The following RAB18 variants were observed in gnomAD, a reference collection of about 807,000 sequenced individuals.
RAB18 encodes the protein ras-related protein Rab-18.
Under a neutral mutation model 28.5 loss-of-function variants are expected in RAB18, and 10 were observed. That is an observed-to-expected ratio of 0.35 (90% CI 0.22 to 0.60). RAB18 has a LOEUF of 0.60. Among genes scored for constraint, RAB18 ranks in the 20% least tolerant of loss-of-function variants. The pLI, the probability that RAB18 is intolerant of heterozygous loss-of-function variation, is 0.78. For synonymous variants in RAB18, 93 were observed against 86.9 expected, an observed-to-expected ratio of 1.07 and a Z score of -0.39; for missense variants, 188 against 244.2, an observed-to-expected ratio of 0.77 and a Z score of 1.53.
chr10:27,504,651 C>T (rs554253730), intron 1 of RAB18: 8 of 743,072 alleles, frequency 1.1e-5, no homozygotes, highest in Non-Finnish European at 2.0e-5. Flanking sequence ...TTGCCAGGCC[C>T]AAGTTCTCTG....
chr10:27,532,479 T>C (rs368877388), intron 3 of RAB18, 28 bp from the exon 4 acceptor site: 2 of 1,522,786 alleles, frequency 1.3e-6, no homozygotes, highest in Non-Finnish European at 9.1e-7. Context: ...TATACTTTGT[T>C]TAATTTAATA....
rs941176355 is a variant in RAB18, at chr10:27,539,001, A to G, written c.*950A>G. 1.6e-5 allele frequency: 7 copies of G among 431,836 alleles called. No individual in the cohort carries two copies. Among genetic ancestry groups the G allele is most frequent in the Non-Finnish European group, 3.3e-5 (7 of 213,796 alleles). 26.8% of individuals were successfully genotyped at this position (431,836 alleles called of 1,614,324 possible). On this transcript the variant is annotated 3_prime_UTR_variant, in exon 7 of 7. Transcript: ENST00000356940. ...ATTTCTGTGTTTTGAGGGGTGGGGA[A>G]AAAAAACACTAAGTGATAATTTGAA...
intron 2 of RAB18, among the ~76,000 whole-genome samples, chr10:27,515,378 A>G (rs11015835): frequency 0.027 from 4,098 of 152,282 alleles, 184 homozygotes; most frequent in African/African-American, 0.092. Flanking sequence ...CTATTTTCAA[A>G]TAAAAACCTA....
intron 2 of RAB18, among the ~76,000 whole-genome samples, chr10:27,513,151 C>T (rs1369560281): frequency 6.6e-6 from 1 of 151,748 alleles, no homozygotes; most frequent in Non-Finnish European, 1.5e-5. Context: ...TCTTCTGCCT[C>T]AGCCTCCCAA....
intron 2 of RAB18, among the ~76,000 whole-genome samples, chr10:27,517,418 G>C (rs11015838): frequency 0.037 from 5,589 of 152,196 alleles, 318 homozygotes; most frequent in African/African-American, 0.13. Flanking sequence ...TGCTGCATTT[G>C]TTTTGTAGAT....
intron 2 of RAB18, among the ~76,000 whole-genome samples, chr10:27,517,894 C>T (rs961638747): frequency 6.6e-6 from 1 of 152,084 alleles, no homozygotes; most frequent in Non-Finnish European, 1.5e-5. Context: ...AGCCACTTAC[C>T]TGGTCTCTAG....
rs1046292203 is a variant in RAB18, at chr10:27,539,442, A to G, written c.*1391A>G. On this transcript the variant is annotated 3_prime_UTR_variant, in exon 7 of 7. Transcript: ENST00000356940. ...TTCTTTCTGAAATGTACATCTTTAC[A>G]TATAAAAACCTCACATTCTACTTGA... 7.0e-5 allele frequency: 21 copies of G among 301,568 alleles called. No individual in the cohort carries two copies. The highest frequency in any genetic ancestry group is 2.5e-4 in the Admixed American group (5 of 20,298). 18.7% of individuals were successfully genotyped at this position (301,568 alleles called of 1,614,324 possible).
chr10:27,520,063 A>G (rs1834515387), intron 2 of RAB18, among the ~76,000 whole-genome samples: 1 of 152,210 alleles, frequency 6.6e-6, no homozygotes, highest in Non-Finnish European at 1.5e-5. Flanking sequence ...AAAAACCTTC[A>G]TTCTTTTAAT....
rs1245373066 is a variant in RAB18, at chr10:27,538,199, A to G, written c.*148A>G. 2.8e-6 allele frequency: 3 copies of G among 1,069,078 alleles called. No individual in the cohort carries two copies. Among genetic ancestry groups the G allele is most frequent in the East Asian group, 5.1e-5 (2 of 38,870 alleles). The allele number at this position is 1,069,078 out of a possible 1,614,324, so 66.2% of individuals were successfully genotyped here. Reference sequence around the variant, plus strand: ...TAAATATTTGCAAGAAATCCCACTCATCGACCCCGGGTAAAATGTTATGGT... The same window carrying G: ...TAAATATTTGCAAGAAATCCCACTCGTCGACCCCGGGTAAAATGTTATGGT... On this transcript the variant is annotated 3_prime_UTR_variant, in exon 7 of 7. Transcript: ENST00000356940.
chr10:27,525,849 T>C (rs1341350359), intron 2 of RAB18, among the ~76,000 whole-genome samples: 10 of 152,244 alleles, frequency 6.6e-5, no homozygotes, highest in Non-Finnish European at 1.5e-4. Context: ...TGACAGGTGT[T>C]CTATTAAGCA....
intron 2 of RAB18, among the ~76,000 whole-genome samples, chr10:27,515,113 A>G (rs529602790): frequency 3.3e-5 from 5 of 152,226 alleles, no homozygotes; most frequent in East Asian, 1.9e-4. Flanking sequence ...TGCTTATTAC[A>G]TAGGAGTGTT....
intron 2 of RAB18, among the ~76,000 whole-genome samples, chr10:27,525,258 G>GA (rs1272454134): frequency 6.6e-6 from 1 of 151,930 alleles, no homozygotes; most frequent in African/African-American, 2.4e-5. Flanking sequence ...GATTATTAAG[G>GA]AAAAAAATTA....
At chr10:27,533,628 A>C in intron 4 of RAB18, 107 bp from the exon 5 acceptor site, 1 of 1,327,256 alleles carries the variant, frequency 7.5e-7, no homozygotes, top group Non-Finnish European at 1.0e-6. Flanking sequence ...AATAAAAAAA[A>C]GACTTGTCTA....
At chr10:27,526,918 A>G in intron 3 of RAB18, 29 bp downstream of exon 3, 1 of 1,593,652 alleles carries the variant, frequency 6.3e-7, no homozygotes, top group Admixed American at 1.7e-5. Context: ...TATTTTTAAA[A>G]TATTAAACTT....
At chr10:27,513,746 G>T (rs540269525) in intron 2 of RAB18, among the ~76,000 whole-genome samples, 1 of 152,166 alleles carries the variant, frequency 6.6e-6, no homozygotes, top group Non-Finnish European at 1.5e-5. Context: ...TGGCTGTGGA[G>T]CTCAGAGACA....
intron 2 of RAB18, among the ~76,000 whole-genome samples, chr10:27,521,156 T>C (rs1453426960): frequency 6.6e-6 from 1 of 152,112 alleles, no homozygotes; most frequent in African/African-American, 2.4e-5. Flanking sequence ...AGAAAAATGG[T>C]TTGCATGATT....
rs989409600 is a variant in RAB18, at chr10:27,541,526, C to T, written c.*3475C>T. ...TAAGTGCCCCTTAGTTAAAGCTGTTCAATGAATGTAAGCACACACACACCT... is the reference window on the plus strand; with the variant it reads ...TAAGTGCCCCTTAGTTAAAGCTGTTTAATGAATGTAAGCACACACACACCT... On this transcript the variant is annotated 3_prime_UTR_variant, in exon 7 of 7. Transcript: ENST00000356940. 8 of 453,342 alleles carry T rather than the reference C, an allele frequency of 1.8e-5. No homozygotes were observed. The highest frequency in any genetic ancestry group is 6.2e-5 in the South Asian group (4 of 64,424). The allele number at this position is 453,342 out of a possible 1,614,324, so 28.1% of individuals were successfully genotyped here. A position where few individuals can be genotyped will look rare whatever the true frequency, so the allele number is the denominator to read the frequency against.
chr10:27,523,157 C>G (rs919648069), intron 2 of RAB18, among the ~76,000 whole-genome samples: 1 of 151,276 alleles, frequency 6.6e-6, no homozygotes, highest in African/African-American at 2.4e-5. Context: ...TTAAGTATTG[C>G]TTAAGTGGCA....
In RAB18 at chr10:27,538,396, C is replaced by T. The variant is rs1463586493; in HGVS notation, c.*345C>T. On this transcript the variant is annotated 3_prime_UTR_variant, in exon 7 of 7. Transcript: ENST00000356940. ...TTTTGCTATTCTTTTTGCTTAAATA[C>T]TCCTATCATTTTCTGAATTACTTGG... The T allele has an allele frequency of 4.3e-6, 2 of 465,754 alleles. No individual in the cohort carries two copies. Among genetic ancestry groups the T allele is most frequent in the Non-Finnish European group, 8.5e-6 (2 of 234,528 alleles). The allele number at this position is 465,754 out of a possible 1,614,324, so 28.9% of individuals were successfully genotyped here. A position where few individuals can be genotyped will look rare whatever the true frequency, so the allele number is the denominator to read the frequency against.
Sources: gnomAD v4.1 joint callset for allele counts (sites outside exome capture counted in the v4.1 genomes callset) on GRCh38, gnomAD v4.1.1 for gene constraint, MANE v1.5 for transcripts, NCBI Gene and HGNC (gene_info 2026-07-23, HGNC 2026-07-21) for gene names.